The following SETBP1 variants were observed in gnomAD, a reference collection of about 807,000 sequenced individuals.
The protein encoded by SETBP1 is SET binding protein 1, also known as SET-binding protein.
In SETBP1, 9 loss-of-function variants were observed where a neutral mutation model predicts 101.0. That is an observed-to-expected ratio of 0.09 (90% confidence interval 0.05 to 0.16). The LOEUF (loss-of-function observed/expected upper bound fraction) is 0.16, where lower values mean the gene tolerates loss of function less well. Ranked by LOEUF, SETBP1 falls within the 10% of genes least tolerant of loss-of-function variation. SETBP1 has a pLI of 1.00. For missense variants in SETBP1, 1,858 were observed against 2,033.8 expected, an observed-to-expected ratio of 0.91 and a Z score of 1.66; for synonymous variants, 818 against 788.5, an observed-to-expected ratio of 1.04 and a Z score of -0.63.
Position 44,952,192 on chromosome 18 carries a change from T to C in SETBP1, c.2852T>C (p.Leu951Pro). 6.2e-7 allele frequency: 1 copy of C among 1,614,120 alleles called. No homozygotes were observed. Among genetic ancestry groups the C allele is most frequent in the Non-Finnish European group, 8.5e-7 (1 of 1,180,026 alleles). ...AAAAGCCTGCAAAACCGCGATGACCTCCAGTTTCTGGCAGACCTGGAGGAG... is the reference window on the plus strand; with the variant it reads ...AAAAGCCTGCAAAACCGCGATGACCCCCAGTTTCTGGCAGACCTGGAGGAG... The part of the protein sequence containing the change: ...KRKSLQNRDD[L>P]QFLADLEELI... Residue 951 changes from leucine to proline, a missense_variant, in exon 4 of 6, where the codon CTC (leucine) becomes CCC (proline). Leu to Pro is a moderately conservative substitution (Grantham distance 98). Around this residue, in one of 12 missense-constraint regions of SETBP1, gnomAD observed 255 missense variants for 300.1 expected, o/e 0.85. Coordinates refer to ENST00000649279, the MANE Select transcript of SETBP1 (RefSeq NM_015559.3).
At chr18:45,016,038 C>T (rs905499642) in intron 4 of SETBP1, among the ~76,000 whole-genome samples, 2 of 152,168 alleles carry the variant, frequency 1.3e-5, no homozygotes, top group African/African-American at 4.8e-5. Context: ...AACAGACAAT[C>T]CACCCTAGCA....
intron 4 of SETBP1, among the ~76,000 whole-genome samples, chr18:44,972,728 T>C (rs1271271790): frequency 2.0e-5 from 3 of 152,244 alleles, no homozygotes. Flanking sequence ...ATCGATTTTG[T>C]ATCCAGAGAC....
Position 44,951,748 on chromosome 18 carries a change from A to C in SETBP1, c.2408A>C (p.Lys803Thr). The C allele has an allele frequency of 6.2e-7, 1 of 1,614,176 alleles. No individual in the cohort carries two copies. Among genetic ancestry groups the C allele is most frequent in the Non-Finnish European group, 8.5e-7 (1 of 1,180,036 alleles). The change falls in exon 4 of 6, where the codon AAA becomes ACA. Residue 803 changes from lysine to threonine, a missense_variant. By Grantham distance (78) the Lys-to-Thr change is moderately conservative. Coordinates refer to ENST00000649279, the MANE Select transcript of SETBP1 (RefSeq NM_015559.3). The surrounding 1 kb of genome is among the most constrained non-coding windows in gnomAD (Gnocchi z 7.8). ...ASTETNFSELKTMPNLQPISA... is the reference protein window; with the variant it reads ...ASTETNFSELTTMPNLQPISA... ...ACTGAAACCAATTTTTCAGAGTTGA[A>C]AACTATGCCAAATCTCCAGCCCATC... is the stretch of plus-strand genomic sequence containing the variant.
At chr18:44,895,653 T>A (rs2069883737) in intron 3 of SETBP1, among the ~76,000 whole-genome samples, 1 of 152,086 alleles carries the variant, frequency 6.6e-6, no homozygotes, top group Non-Finnish European at 1.5e-5. Context: ...AGTGGGAAGG[T>A]GGCAATGGTG....
chr18:44,701,122 C>T (rs1291785497), intron 1 of SETBP1, 53 bp from the exon 2 acceptor site: 11 of 435,934 alleles, frequency 2.5e-5, no homozygotes, highest in Non-Finnish European at 3.6e-5. Flanking sequence ...GATTGAGTAA[C>T]CTTGGGGGTC....
At chr18:44,892,829 T>G (rs2069803875) in intron 3 of SETBP1, among the ~76,000 whole-genome samples, 1 of 152,112 alleles carries the variant, frequency 6.6e-6, no homozygotes, top group Admixed American at 6.6e-5. Context: ...CACCTCTCAT[T>G]TTCTCAACCA....
At chr18:44,918,466 T>G (rs2070499237) in intron 3 of SETBP1, among the ~76,000 whole-genome samples, 1 of 152,208 alleles carries the variant, frequency 6.6e-6, no homozygotes. Flanking sequence ...ATGGAATTTA[T>G]CCTACCTGGC....
chr18:44,872,532 C>T (rs1387564762), intron 3 of SETBP1, among the ~76,000 whole-genome samples: 1 of 152,182 alleles, frequency 6.6e-6, no homozygotes, highest in Non-Finnish European at 1.5e-5. Flanking sequence ...TTTACTACCC[C>T]CTCTTGCTGG....
intron 4 of SETBP1, among the ~76,000 whole-genome samples, chr18:45,003,944 AC>A (rs2072671822): frequency 1.3e-5 from 2 of 152,046 alleles, no homozygotes; most frequent in Non-Finnish European, 2.9e-5. Context: ...CCACCAGGAG[AC>A]TTTTGGCAAT....
intron 2 of SETBP1, among the ~76,000 whole-genome samples, chr18:44,734,423 T>TA (rs1363258411): frequency 6.6e-6 from 1 of 152,230 alleles, no homozygotes; most frequent in East Asian, 1.9e-4. Flanking sequence ...AGGCCCTTGT[T>TA]AATACCATTG....
intron 3 of SETBP1, among the ~76,000 whole-genome samples, chr18:44,937,346 T>G (rs1258238983): frequency 6.7e-5 from 10 of 149,256 alleles, no homozygotes; most frequent in Non-Finnish European, 1.5e-4. Context: ...TCCCAGCTAC[T>G]TGGGAGGCTG....
intron 2 of SETBP1, among the ~76,000 whole-genome samples, chr18:44,842,549 A>G (rs1324754372): frequency 6.6e-6 from 1 of 152,150 alleles, no homozygotes; most frequent in Non-Finnish European, 1.5e-5. Flanking sequence ...CCCAAAGAAT[A>G]TCCCACAGTG....
chr18:44,929,438 G>T (rs2070776704), intron 3 of SETBP1, among the ~76,000 whole-genome samples: 1 of 152,106 alleles, frequency 6.6e-6, no homozygotes, highest in African/African-American at 2.4e-5. Flanking sequence ...GGTTCCATAT[G>T]AACTTTAAAG....
chr18:44,681,722 A>T (rs1169439366), intron 1 of SETBP1, among the ~76,000 whole-genome samples: 1 of 152,000 alleles, frequency 6.6e-6, no homozygotes, highest in East Asian at 1.9e-4. Context: ...TTTATTCTTT[A>T]TGTGTGTCTG....
At chr18:44,849,555 G>C (rs1316367933) in intron 2 of SETBP1, among the ~76,000 whole-genome samples, 2 of 152,184 alleles carry the variant, frequency 1.3e-5, no homozygotes, top group Admixed American at 1.3e-4. Flanking sequence ...TGGGTGCGGG[G>C]TGTGTCAGCC....
intron 4 of SETBP1, among the ~76,000 whole-genome samples, chr18:45,035,002 C>G (rs190022737): frequency 3.0e-4 from 45 of 151,926 alleles, no homozygotes; most frequent in African/African-American, 8.7e-4. Context: ...AAATGCCCCC[C>G]CCGCCCCCAA....
chr18:45,038,418 G>A (rs1479958534), intron 4 of SETBP1, 67 bp from the exon 5 acceptor site: 7 of 1,395,608 alleles, frequency 5.0e-6, no homozygotes, highest in Admixed American at 1.7e-5. Flanking sequence ...ATCATGTCCA[G>A]GTTACATGTT....
chr18:44,984,130 G>A (rs1475206896), intron 4 of SETBP1, among the ~76,000 whole-genome samples: 2 of 144,728 alleles, frequency 1.4e-5, no homozygotes, highest in Non-Finnish European at 2.9e-5. Context: ...GCACCTGGGA[G>A]GCAGAGGTTG....
At position 44,950,702 on chromosome 18, in the gene SETBP1, C is replaced by A. The variant is rs755509347; in HGVS notation, c.1362C>A (p.Asn454Lys). 1.2e-6 allele frequency: 2 copies of A among 1,614,136 alleles called. No individual in the cohort carries two copies. Among genetic ancestry groups the A allele is most frequent in the South Asian group, 2.2e-5 (2 of 91,078 alleles). ...AAGTAGTTAACAGGATACTTTCCAA[C>A]TCTGAGGGGAATAAGAAGGATCCCC... Reference protein sequence around the residue: ...SSEVVNRILSNSEGNKKDPRV... With the variant: ...SSEVVNRILSKSEGNKKDPRV... Residue 454 changes from asparagine to lysine, a missense_variant, in exon 4 of 6, where the codon AAC becomes AAA. Asn to Lys is a moderately conservative substitution (Grantham distance 94, BLOSUM62 0). This residue lies in a region of SETBP1 where 581 missense variants were observed against 535.1 expected (regional missense o/e 1.09). Coordinates refer to ENST00000649279, the MANE Select transcript of SETBP1 (RefSeq NM_015559.3).
Sources: gnomAD v4.1 joint callset for allele counts (sites outside exome capture counted in the v4.1 genomes callset) on GRCh38, gnomAD v4.1.1 for gene constraint, gnomAD v4.1.1 regional missense constraint, Gnocchi (gnomAD v3.1) non-coding constraint, MANE v1.5 for transcripts, NCBI Gene and HGNC (gene_info 2026-07-23, HGNC 2026-07-21) for gene names.